The following AKAP9 variants were observed in gnomAD, a reference collection of about 807,000 sequenced individuals.
AKAP9 encodes A-kinase anchor protein 9.
A neutral mutation model predicts 488.5 loss-of-function variants in AKAP9; 311 were observed. That is an observed-to-expected ratio of 0.64 (90% CI 0.58 to 0.70). The LOEUF (loss-of-function observed/expected upper bound fraction) is 0.70, where lower values mean the gene tolerates loss of function less well. AKAP9 is among the 30% of genes least tolerant of loss of function. AKAP9 has a pLI of 0.00. For synonymous variants in AKAP9, 1,462 were observed against 1,483.5 expected, an observed-to-expected ratio of 0.99 and a Z score of 0.33; for missense variants, 4,215 against 4,374.5, an observed-to-expected ratio of 0.96 and a Z score of 1.03.
intron 8 of AKAP9, among the ~76,000 whole-genome samples, chr7:92,005,843 AT>A (rs1325974366): frequency 6.6e-6 from 1 of 150,994 alleles, no homozygotes; most frequent in East Asian, 2.0e-4. Flanking sequence ...TAATTTTTGT[AT>A]TTTTAGTAGA....
At chr7:91,944,977 C>G (rs749462220) in intron 1 of AKAP9, among the ~76,000 whole-genome samples, 1 of 152,220 alleles carries the variant, frequency 6.6e-6, no homozygotes, top group Non-Finnish European at 1.5e-5. Context: ...TCATCTGCCT[C>G]TTTTCCTAAT....
Position 92,096,911 on chromosome 7 carries a change from A to G in AKAP9, c.9952A>G (p.Arg3318Gly). ...RIREMSSTLD[R>G]ERELHAQLQS... The stretch of plus-strand genomic sequence containing the variant: ...TCGGGAAATGAGTAGTACCCTAGAT[A>G]GGGAGCGGGAATTGCACGCACAGCT... Residue 3318 changes from arginine to glycine, a missense_variant, in exon 41 of 50, where the codon AGG (arginine) becomes GGG (glycine). Physicochemically the swap from Arg to Gly is moderately radical, Grantham distance 125. This residue lies in a region of AKAP9 where 1,476 missense variants were observed against 1,477.4 expected (regional missense o/e 1.00). Coordinates refer to ENST00000356239, the MANE Select transcript of AKAP9 (RefSeq NM_005751.5). The G allele has an allele frequency of 1.2e-6, 2 of 1,614,228 alleles. No individual in the cohort carries two copies. The highest frequency in any genetic ancestry group is 1.7e-6 in the Non-Finnish European group (2 of 1,180,046).
At chr7:92,040,967 C>A (rs1806004694) in intron 18 of AKAP9, 69 bp downstream of exon 18, 3 of 1,312,854 alleles carry the variant, frequency 2.3e-6, no homozygotes, top group Non-Finnish European at 3.2e-6. Context: ...TGAACCAGAT[C>A]CCCAATTAAA....
At chr7:91,972,002 T>TG (rs1795156387) in intron 1 of AKAP9, among the ~76,000 whole-genome samples, 1 of 146,706 alleles carries the variant, frequency 6.8e-6, no homozygotes, top group Admixed American at 6.8e-5. Flanking sequence ...TTTTTTTTTT[T>TG]GCACTATGTC....
intron 8 of AKAP9, among the ~76,000 whole-genome samples, chr7:92,005,572 A>G (rs1463859973): frequency 2.0e-5 from 3 of 152,128 alleles, no homozygotes; most frequent in Admixed American, 2.0e-4. Flanking sequence ...AAATGTCGAG[A>G]TATTTTATAT....
intron 3 of AKAP9, among the ~76,000 whole-genome samples, chr7:91,981,558 AC>A (rs1195306150): frequency 3.3e-5 from 5 of 149,486 alleles, no homozygotes; most frequent in African/African-American, 1.2e-4. Flanking sequence ...GCATTTGAAA[AC>A]TTTTTTTTTC....
intron 35 of AKAP9, 37 bp from the exon 36 acceptor site, chr7:92,085,458 G>A (rs1814369695): frequency 1.3e-6 from 2 of 1,587,780 alleles, no homozygotes; most frequent in Admixed American, 1.7e-5. Flanking sequence ...CTGTGAAGAA[G>A]TTGTCATAAT....
chr7:91,992,860 T>G (rs890508063), intron 4 of AKAP9, 25 bp from the exon 5 acceptor site: 1 of 1,607,698 alleles, frequency 6.2e-7, no homozygotes, highest in African/African-American at 1.3e-5. Context: ...AATACTGAAT[T>G]CTTTAAAATC....
chr7:92,026,944 G>A (rs1206768214), intron 14 of AKAP9, among the ~76,000 whole-genome samples: 36 of 144,158 alleles, frequency 2.5e-4, no homozygotes, highest in African/African-American at 8.6e-4. Flanking sequence ...CTGCCCGGCC[G>A]CCCTGTCTGG....
intron 18 of AKAP9, 120 bp from the exon 19 acceptor site, chr7:92,041,926 A>G (rs1167315110): frequency 3.8e-6 from 4 of 1,039,626 alleles, no homozygotes; most frequent in Non-Finnish European, 5.7e-6. Context: ...ACGATGGAAT[A>G]TGAATCATAA....
chr7:92,043,750 T>C lies in AKAP9; in HGVS notation c.5162+979T>C, dbSNP rs369812316. ...AGAACCGTCTCTTTCACTTGACAAA[T>C]ACTAACGGAAAACTTCTCCATTTAT... On this transcript the variant is annotated intron_variant, in intron 20 of 49. Coordinates refer to ENST00000356239, the MANE Select transcript of AKAP9 (RefSeq NM_005751.5). Among the ~76,000 whole-genome samples, 4 of 152,302 alleles carry C rather than the reference T, an allele frequency of 2.6e-5. 1 individual carries two copies.
In AKAP9 at chr7:92,002,673, A is replaced by T. The variant is rs769203768; in HGVS notation, c.2756A>T (p.Glu919Val). ...TVKMKSSVFDEDKTFVAETLE... is the reference protein window; with the variant it reads ...TVKMKSSVFDVDKTFVAETLE... ...AAAATGAAAAGTTCTGTCTTTGATGAAGACAAAACTTTTGTAGCAGAAACA... is the reference window on the plus strand; with the variant it reads ...AAAATGAAAAGTTCTGTCTTTGATGTAGACAAAACTTTTGTAGCAGAAACA... The change falls in exon 8 of 50, where the codon GAA (glutamate) becomes GTA (valine). Residue 919 changes from glutamate to valine, a missense_variant. Coordinates refer to ENST00000356239, the MANE Select transcript of AKAP9 (RefSeq NM_005751.5). 6.2e-7 allele frequency: 1 copy of T among 1,613,518 alleles called. No homozygotes were observed. The highest frequency in any genetic ancestry group is 2.2e-5 in the East Asian group (1 of 44,820).
intron 1 of AKAP9, among the ~76,000 whole-genome samples, chr7:91,953,403 C>T (rs1043215546): frequency 6.6e-6 from 1 of 152,122 alleles, no homozygotes; most frequent in East Asian, 1.9e-4. Flanking sequence ...TTGGACTGGA[C>T]CAGACCGTCT....
At chr7:92,102,897 T>C in intron 46 of AKAP9, 71 bp downstream of exon 46, 1 of 1,306,950 alleles carries the variant, frequency 7.7e-7, no homozygotes, top group Non-Finnish European at 1.1e-6. Flanking sequence ...TAATTCTCCC[T>C]CTATTCTCTG....
chr7:92,041,801 G>T, intron 18 of AKAP9: 1 of 377,830 alleles, frequency 2.6e-6, no homozygotes, highest in Non-Finnish European at 4.8e-6. Context: ...AATTTTCAAT[G>T]CAAAATTGAC....
intron 32 of AKAP9, 53 bp downstream of exon 32, chr7:92,082,715 C>T (rs1173697686): frequency 1.1e-5 from 17 of 1,582,652 alleles, no homozygotes; most frequent in Middle Eastern, 3.4e-4. Flanking sequence ...ATCTTAATTA[C>T]GTTTCAAAGT....
chr7:92,083,793 T>C, intron 33 of AKAP9, 138 bp downstream of exon 33: 1 of 869,012 alleles, frequency 1.2e-6, no homozygotes, highest in Non-Finnish European at 1.7e-6. Flanking sequence ...AGGTGTATTA[T>C]CAAGGCAAGT....
chr7:92,070,809 A>C, intron 27 of AKAP9, 96 bp from the exon 28 acceptor site: 1 of 632,466 alleles, frequency 1.6e-6, no homozygotes, highest in Non-Finnish European at 2.5e-6. Flanking sequence ...TGCTTCTCAA[A>C]AAAAAAAAAA....
chr7:92,003,352 C>A, intron 8 of AKAP9, 117 bp downstream of exon 8: 1 of 780,086 alleles, frequency 1.3e-6, no homozygotes. Context: ...AAAATGAACC[C>A]TCTGATGTAA....
Sources: allele counts gnomAD v4.1 joint callset (sites outside exome capture counted in the v4.1 genomes callset), GRCh38; gene constraint gnomAD v4.1.1; regional missense constraint gnomAD v4.1.1; transcripts MANE v1.5; gene names NCBI Gene and HGNC (gene_info 2026-07-23, HGNC 2026-07-21).